The following EHBP1 variants were observed in gnomAD, a reference collection of about 807,000 sequenced individuals.
The protein encoded by EHBP1 is EH domain binding protein 1.
Under a neutral mutation model 144.0 loss-of-function variants are expected in EHBP1, and 55 were observed. That is an observed-to-expected ratio of 0.38 (90% CI 0.31 to 0.48). The LOEUF is 0.48. EHBP1 is among the 20% of genes least tolerant of loss of function. EHBP1 has a pLI of 0.98. For synonymous variants in EHBP1, 469 were observed against 472.7 expected (o/e 0.99, Z 0.10); for missense variants, 1,200 against 1,364.2 (o/e 0.88, Z 1.90).
At chr2:62,766,910 TC>T (rs1026625901) in intron 4 of EHBP1, among the ~76,000 whole-genome samples, 1 of 142,666 alleles carries the variant, frequency 7.0e-6, no homozygotes, top group Non-Finnish European at 1.5e-5. Context: ...ATATACTAAG[TC>T]CCCCATAAAT....
chr2:62,951,544 G>GTT (rs1251843029), intron 13 of EHBP1, among the ~76,000 whole-genome samples: 1 of 140,678 alleles, frequency 7.1e-6, no homozygotes, highest in South Asian at 2.5e-4. Context: ...TGGGGGGGGG[G>GTT]GGTGGAGTCT....
chr2:62,796,083 C>T (rs1223497721), intron 5 of EHBP1, among the ~76,000 whole-genome samples: 1 of 151,814 alleles, frequency 6.6e-6, no homozygotes, highest in Non-Finnish European at 1.5e-5. Context: ...TGCCCACCAT[C>T]TTTTGCTAGG....
chr2:62,990,756 C>T lies in EHBP1; in HGVS notation c.2649C>T (p.Leu883=). 1.2e-6 allele frequency: 2 copies of T among 1,613,790 alleles called. No individual in the cohort carries two copies. Among genetic ancestry groups the T allele is most frequent in the Non-Finnish European group, 1.7e-6 (2 of 1,179,834 alleles). ...TGGTGGACTTGAAGCTGAAGAAGCTCCTAGAAGTTCAGCCACAGGTGGCAA... is the reference window on the plus strand; with the variant it reads ...TGGTGGACTTGAAGCTGAAGAAGCTTCTAGAAGTTCAGCCACAGGTGGCAA... ...SKLVDLKLKK[L]LEVQPQVANS... is the part of the protein sequence containing the mutation. The change falls in exon 16 of 23, where the codon CTC becomes CTT. Residue 883 remains leucine (L), a synonymous_variant. Transcript: ENST00000431489.
intron 2 of EHBP1, among the ~76,000 whole-genome samples, chr2:62,720,247 A>G (rs890469376): frequency 1.3e-5 from 2 of 152,196 alleles, no homozygotes; most frequent in East Asian, 1.9e-4. Context: ...GTAAACCCAG[A>G]AAGTTTGGGA....
chr2:62,876,245 C>G (rs2050879384), intron 10 of EHBP1, among the ~76,000 whole-genome samples: 1 of 152,112 alleles, frequency 6.6e-6, no homozygotes. Flanking sequence ...GGCATGTCAC[C>G]TTTACAGGAA....
At chr2:62,981,044 T>G (rs535360448) in intron 15 of EHBP1, among the ~76,000 whole-genome samples, 1 of 135,772 alleles carries the variant, frequency 7.4e-6, no homozygotes, top group South Asian at 2.3e-4. Flanking sequence ...TCCTCCAGCC[T>G]GGGTGACAGA....
chr2:62,921,300 G>A (rs1299920084), intron 10 of EHBP1, among the ~76,000 whole-genome samples: 3 of 151,982 alleles, frequency 2.0e-5, no homozygotes, highest in African/African-American at 7.2e-5. Flanking sequence ...ACAAAAATTT[G>A]TCAGGCATGG....
chr2:62,903,012 G>A (rs939293387), intron 10 of EHBP1, among the ~76,000 whole-genome samples: 1 of 152,054 alleles, frequency 6.6e-6, no homozygotes, highest in Non-Finnish European at 1.5e-5. Flanking sequence ...GCTATTATTA[G>A]CTCACTTGCT....
At chr2:62,985,907 A>G (rs1187330973) in intron 15 of EHBP1, among the ~76,000 whole-genome samples, 4 of 152,228 alleles carry the variant, frequency 2.6e-5, no homozygotes, top group Non-Finnish European at 4.4e-5. Flanking sequence ...CCTTTAAGGT[A>G]GAATAAATGT....
intron 3 of EHBP1, among the ~76,000 whole-genome samples, chr2:62,749,296 C>G (rs568095012): frequency 1.3e-5 from 2 of 152,184 alleles, no homozygotes; most frequent in Non-Finnish European, 2.9e-5. Flanking sequence ...TCATCCATGT[C>G]CCTTCAAAGG....
chr2:62,935,344 A>T (rs2007784), intron 10 of EHBP1, among the ~76,000 whole-genome samples: 21,437 of 120,544 alleles, frequency 0.18, 2,107 homozygotes, highest in East Asian at 0.25. Context: ...AAAAAAAAAA[A>T]ATATATATAT....
chr2:62,751,043 G>A (rs1419818078), intron 3 of EHBP1, among the ~76,000 whole-genome samples: 1 of 152,158 alleles, frequency 6.6e-6, no homozygotes, highest in Admixed American at 6.5e-5. Flanking sequence ...GGTGAGAGAG[G>A]GCATCCCTGT....
intron 5 of EHBP1, among the ~76,000 whole-genome samples, chr2:62,784,469 G>T (rs1371370943): frequency 6.6e-6 from 1 of 152,172 alleles, no homozygotes; most frequent in Non-Finnish European, 1.5e-5. Flanking sequence ...CAGAGAGGCA[G>T]ATCTGTAAGC....
At chr2:62,796,438 A>G (rs896510119) in intron 5 of EHBP1, among the ~76,000 whole-genome samples, 5 of 152,172 alleles carry the variant, frequency 3.3e-5, no homozygotes, top group African/African-American at 1.2e-4. Context: ...TCACCTTTTA[A>G]TACACAATAA....
chr2:62,822,229 C>T (rs1207481240), intron 5 of EHBP1, among the ~76,000 whole-genome samples: 3 of 152,016 alleles, frequency 2.0e-5, no homozygotes, highest in Non-Finnish European at 4.4e-5. Flanking sequence ...ACAGAGAAAA[C>T]ATTTATTCAC....
At chr2:62,849,055 A>G (rs559276200) in intron 7 of EHBP1, among the ~76,000 whole-genome samples, 11 of 152,258 alleles carry the variant, frequency 7.2e-5, no homozygotes, top group African/African-American at 2.6e-4. Flanking sequence ...ATACCTCCCA[A>G]TATTCATGCT....
chr2:62,895,959 A>G (rs2052888395), intron 10 of EHBP1, among the ~76,000 whole-genome samples: 1 of 152,194 alleles, frequency 6.6e-6, no homozygotes, highest in African/African-American at 2.4e-5. Flanking sequence ...TTAAATTAGT[A>G]AATTTAATGT....
intron 14 of EHBP1, among the ~76,000 whole-genome samples, chr2:62,966,269 ATAGT>A (rs1178568832): frequency 2.0e-5 from 3 of 152,020 alleles, no homozygotes; most frequent in Admixed American, 6.6e-5. Flanking sequence ...AGGAAAGGGA[ATAGT>A]TAGATTTTTT....
chr2:62,896,307 G>A (rs1347760771), intron 10 of EHBP1, among the ~76,000 whole-genome samples: 8 of 152,174 alleles, frequency 5.3e-5, no homozygotes, highest in Admixed American at 5.2e-4. Context: ...AAAGGAGTGA[G>A]CAAGGGGACA....
Sources: allele counts gnomAD v4.1 joint callset (sites outside exome capture counted in the v4.1 genomes callset), GRCh38; gene constraint gnomAD v4.1.1; transcripts MANE v1.5; gene names NCBI Gene and HGNC (gene_info 2026-07-23, HGNC 2026-07-21).